RPS6KC1: variants seen among roughly 807,000 people sequenced by gnomAD.
RPS6KC1 encodes the protein inactive ribosomal protein S6 kinase delta-1.
Under a neutral mutation model 103.8 loss-of-function variants are expected in RPS6KC1, and 54 were observed. The observed-to-expected ratio is 0.52, with a 90% CI of 0.42 to 0.65. The LOEUF (loss-of-function observed/expected upper bound fraction) is 0.65. Among genes scored for constraint, RPS6KC1 ranks in the 30% least tolerant of loss-of-function variants. The pLI, the probability that RPS6KC1 is intolerant of heterozygous loss-of-function variation, is 0.00. For synonymous variants in RPS6KC1, 439 were observed against 438.7 expected (o/e 1.00, Z -0.01); for missense variants, 1,151 against 1,253.8 (o/e 0.92, Z 1.24).
At chr1:213,731,185 T>A in the RPS6KC1 span, among the ~76,000 whole-genome samples, 1 of 152,252 alleles carries the variant, frequency 6.6e-6, no homozygotes, top group Non-Finnish European at 1.5e-5. Context: ...GGTAGCATGA[T>A]GCTTCCAGCT....
rs547692710 is a variant in RPS6KC1, at chr1:213,236,491, C to T, written c.1226-4211C>T. The stretch of plus-strand genomic sequence containing the variant: ...AAATATTCAGGTGATGTTTAGTAGA[C>T]AGGCTATATCAGTCAGGATTTTAGG... On this transcript the variant is annotated intron_variant, in intron 10 of 14. Transcript: ENST00000366960. Among the ~76,000 whole-genome samples, 7 of 152,204 alleles carry T rather than the reference C, an allele frequency of 4.6e-5. No homozygotes were observed. The South Asian group carries it at 1.5e-3, about 32-fold the overall frequency.
At chr1:213,286,710 C>G in the RPS6KC1 span, among the ~76,000 whole-genome samples, 1 of 152,184 alleles carries the variant, frequency 6.6e-6, no homozygotes, top group Non-Finnish European at 1.5e-5. Flanking sequence ...AGAATATTCC[C>G]ATTTTGCAGT....
chr1:213,406,882 A>G, the RPS6KC1 span, among the ~76,000 whole-genome samples: 1 of 152,306 alleles, frequency 6.6e-6, no homozygotes, highest in Admixed American at 6.5e-5. Flanking sequence ...GGGCATGATT[A>G]TCGTCATTTT....
the RPS6KC1 span, among the ~76,000 whole-genome samples, chr1:213,768,407 G>A: frequency 1.3e-5 from 2 of 152,166 alleles, no homozygotes; most frequent in Admixed American, 1.3e-4. Flanking sequence ...TGAGGAGAAA[G>A]GAAAAGGAAG....
the RPS6KC1 span, among the ~76,000 whole-genome samples, chr1:213,434,190 A>G: frequency 1.3e-5 from 2 of 151,096 alleles, no homozygotes; most frequent in Non-Finnish European, 2.9e-5. Context: ...TCCATCTGGT[A>G]TCACTTTCCT....
At chr1:213,374,913 AAC>A in the RPS6KC1 span, among the ~76,000 whole-genome samples, 2 of 152,188 alleles carry the variant, frequency 1.3e-5, no homozygotes, top group African/African-American at 4.8e-5. Context: ...TTAAAAGGCG[AAC>A]AGTTTCCAGG....
the RPS6KC1 span, among the ~76,000 whole-genome samples, chr1:213,564,852 G>T: frequency 6.6e-6 from 1 of 152,132 alleles, no homozygotes; most frequent in African/African-American, 2.4e-5. Flanking sequence ...AATAATTTTT[G>T]TGTGTGTAAG....
the RPS6KC1 span, among the ~76,000 whole-genome samples, chr1:213,340,279 C>T: frequency 6.6e-6 from 1 of 152,182 alleles, no homozygotes; most frequent in Non-Finnish European, 1.5e-5. Context: ...CTTAGCAAGT[C>T]CTTGTTTTTT....
chr1:213,380,581 T>A, the RPS6KC1 span, among the ~76,000 whole-genome samples: 1 of 152,176 alleles, frequency 6.6e-6, no homozygotes, highest in African/African-American at 2.4e-5. Flanking sequence ...GGTAACTATG[T>A]GCGGTGATAG....
chr1:213,107,192 T>C (rs2082586072), intron 4 of RPS6KC1, among the ~76,000 whole-genome samples: 1 of 152,168 alleles, frequency 6.6e-6, no homozygotes, highest in South Asian at 2.1e-4. Context: ...TCCGCCTGCT[T>C]CAGCCTCCCA....
the RPS6KC1 span, among the ~76,000 whole-genome samples, chr1:213,654,327 G>T: frequency 3.3e-5 from 5 of 152,102 alleles, no homozygotes. Context: ...AGCTGCAGGC[G>T]TTCAACTTGT....
intron 6 of RPS6KC1, among the ~76,000 whole-genome samples, chr1:213,153,339 A>G (rs1280446819): frequency 1.3e-5 from 2 of 151,878 alleles, no homozygotes; most frequent in African/African-American, 2.4e-5. Flanking sequence ...GCAGGGGCAG[A>G]GGCAGAGGCA....
chr1:213,699,435 C>T, the RPS6KC1 span, among the ~76,000 whole-genome samples: 1 of 152,084 alleles, frequency 6.6e-6, no homozygotes, highest in Non-Finnish European at 1.5e-5. Flanking sequence ...TGTATAAGTA[C>T]ATTTTCTTTA....
chr1:213,375,106 CAT>C, the RPS6KC1 span, among the ~76,000 whole-genome samples: 1 of 151,314 alleles, frequency 6.6e-6, no homozygotes, highest in Non-Finnish European at 1.5e-5. Flanking sequence ...TATATAAACA[CAT>C]ATACTTATAT....
chr1:213,432,483 C>T, the RPS6KC1 span, among the ~76,000 whole-genome samples: 1 of 152,114 alleles, frequency 6.6e-6, no homozygotes, highest in East Asian at 1.9e-4. Flanking sequence ...GTGTAAATGA[C>T]ACACAATAAA....
the RPS6KC1 span, among the ~76,000 whole-genome samples, chr1:213,485,717 A>G: frequency 6.6e-6 from 1 of 152,178 alleles, no homozygotes; most frequent in Non-Finnish European, 1.5e-5. Context: ...GTAGATGTTC[A>G]TGGGGTGCTA....
At chr1:213,116,656 T>G (rs984831780) in intron 4 of RPS6KC1, among the ~76,000 whole-genome samples, 2 of 151,970 alleles carry the variant, frequency 1.3e-5, no homozygotes, top group Admixed American at 1.3e-4. Flanking sequence ...CTCGATGGTC[T>G]TTACATTTTG....
chr1:213,360,830 C>T, the RPS6KC1 span, among the ~76,000 whole-genome samples: 1 of 152,212 alleles, frequency 6.6e-6, no homozygotes, highest in Non-Finnish European at 1.5e-5. Flanking sequence ...CTACTCCAGA[C>T]CCTGTTTGCC....
the RPS6KC1 span, among the ~76,000 whole-genome samples, chr1:213,568,022 C>T: frequency 3.0e-4 from 45 of 152,280 alleles, no homozygotes; most frequent in African/African-American, 1.1e-3. Flanking sequence ...ATTTGATGTC[C>T]CATATGGGAC....
Sources: gnomAD v4.1 joint callset for allele counts (sites outside exome capture counted in the v4.1 genomes callset) on GRCh38, gnomAD v4.1.1 for gene constraint, MANE v1.5 for transcripts, NCBI Gene and HGNC (gene_info 2026-07-23, HGNC 2026-07-21) for gene names.